The following KCTD8 variants were observed in gnomAD, a reference collection of about 807,000 sequenced individuals.
KCTD8 encodes the protein BTB/POZ domain-containing protein KCTD8.
A neutral mutation model predicts 31.5 loss-of-function variants in KCTD8; 27 were observed. The observed-to-expected ratio is 0.86, with a 90% CI of 0.63 to 1.18. KCTD8 has a LOEUF of 1.18. Ranked by LOEUF, KCTD8 falls within the 50% of genes most tolerant of loss-of-function variation. KCTD8 has a pLI of 0.00. For missense variants in KCTD8, 658 were observed against 647.7 expected (o/e 1.02, Z -0.17); for synonymous variants, 290 against 280.0 (o/e 1.04, Z -0.36).
intron 1 of KCTD8, among the ~76,000 whole-genome samples, chr4:44,292,576 T>C (rs952013729): frequency 3.3e-5 from 5 of 152,124 alleles, no homozygotes; most frequent in African/African-American, 1.2e-4. Context: ...AGCATCACAC[T>C]ATGTACCCAT....
At chr4:44,277,993 G>C (rs141783275) in intron 1 of KCTD8, among the ~76,000 whole-genome samples, 1 of 152,042 alleles carries the variant, frequency 6.6e-6, no homozygotes, top group Non-Finnish European at 1.5e-5. Flanking sequence ...TTCTCTTGTT[G>C]CCTTGCCTTC....
intron 1 of KCTD8, among the ~76,000 whole-genome samples, chr4:44,429,635 T>G (rs747430739): frequency 5.9e-5 from 9 of 151,862 alleles, no homozygotes; most frequent in Non-Finnish European, 1.3e-4. Context: ...AAGGAATAAC[T>G]TTGTGGCCAT....
chr4:44,375,832 A>T (rs979319900), intron 1 of KCTD8, among the ~76,000 whole-genome samples: 38 of 152,156 alleles, frequency 2.5e-4, no homozygotes, highest in African/African-American at 8.4e-4. Context: ...CTTTACTTTA[A>T]GGGATTATAC....
chr4:44,200,381 T>G (rs930512169), intron 1 of KCTD8, among the ~76,000 whole-genome samples: 1 of 150,832 alleles, frequency 6.6e-6, no homozygotes, highest in Non-Finnish European at 1.5e-5. Flanking sequence ...CCAATATTCC[T>G]GATAAACACT....
chr4:44,301,074 C>T (rs1381085131), intron 1 of KCTD8, among the ~76,000 whole-genome samples: 59 of 151,940 alleles, frequency 3.9e-4, no homozygotes, highest in East Asian at 3.9e-4. Context: ...GCATAGTATT[C>T]CATGGTGTAT....
intron 1 of KCTD8, among the ~76,000 whole-genome samples, chr4:44,429,753 A>G (rs1275263578): frequency 2.0e-5 from 3 of 151,768 alleles, no homozygotes; most frequent in African/African-American, 4.8e-5. Flanking sequence ...AGGAATAATC[A>G]TTAATATAAT....
chr4:44,350,391 A>G (rs576242365), intron 1 of KCTD8, among the ~76,000 whole-genome samples: 2 of 152,318 alleles, frequency 1.3e-5, no homozygotes, highest in South Asian at 4.1e-4. Context: ...AAGAATATCC[A>G]TGAACTGTCA....
chr4:44,314,170 T>C (rs570167439), intron 1 of KCTD8, among the ~76,000 whole-genome samples: 1 of 152,302 alleles, frequency 6.6e-6, no homozygotes, highest in African/African-American at 2.4e-5. Flanking sequence ...GTTTGGTAAC[T>C]GGTGGGATGG....
At chr4:44,283,760 A>C (rs565217172) in intron 1 of KCTD8, among the ~76,000 whole-genome samples, 6 of 152,300 alleles carry the variant, frequency 3.9e-5, no homozygotes, top group Non-Finnish European at 8.8e-5. Context: ...CCTTAAGCTG[A>C]TAAGCAAATT....
intron 1 of KCTD8, among the ~76,000 whole-genome samples, chr4:44,426,651 T>C (rs1189328450): frequency 6.6e-6 from 1 of 151,660 alleles, no homozygotes; most frequent in Non-Finnish European, 1.5e-5. Context: ...CAAATTGGTA[T>C]AAAAGGAAAT....
At chr4:44,380,516 G>A (rs1045060470) in intron 1 of KCTD8, among the ~76,000 whole-genome samples, 3 of 151,236 alleles carry the variant, frequency 2.0e-5, no homozygotes, top group Non-Finnish European at 4.4e-5. Context: ...AATCTGAGAT[G>A]TGATCAAATA....
intron 1 of KCTD8, among the ~76,000 whole-genome samples, chr4:44,206,030 C>T (rs1274184379): frequency 6.6e-6 from 1 of 151,984 alleles, no homozygotes; most frequent in Non-Finnish European, 1.5e-5. Context: ...TAATGAGGGT[C>T]CCTCTAGGGA....
chr4:44,205,558 G>C (rs899704743), intron 1 of KCTD8, among the ~76,000 whole-genome samples: 1 of 152,114 alleles, frequency 6.6e-6, no homozygotes, highest in Admixed American at 6.5e-5. Context: ...TTTTTTTGCT[G>C]TTTAATACAA....
At chr4:44,220,603 G>C (rs1205706265) in intron 1 of KCTD8, among the ~76,000 whole-genome samples, 1 of 152,154 alleles carries the variant, frequency 6.6e-6, no homozygotes, top group East Asian at 1.9e-4. Flanking sequence ...CCTCCAAAAA[G>C]AGATGTATCT....
At chr4:44,191,087 G>T (rs1713752064) in intron 1 of KCTD8, among the ~76,000 whole-genome samples, 1 of 152,120 alleles carries the variant, frequency 6.6e-6, no homozygotes, top group African/African-American at 2.4e-5. Flanking sequence ...AAGATTTCAT[G>T]GACATATATC....
intron 1 of KCTD8, among the ~76,000 whole-genome samples, chr4:44,317,439 C>A (rs1223062376): frequency 7.1e-6 from 1 of 140,226 alleles, no homozygotes; most frequent in Admixed American, 6.8e-5. Context: ...CGGGGTTTCA[C>A]CTTGTTAGCC....
At chr4:44,266,380 G>C (rs1297044985) in intron 1 of KCTD8, among the ~76,000 whole-genome samples, 1 of 152,134 alleles carries the variant, frequency 6.6e-6, no homozygotes, top group Non-Finnish European at 1.5e-5. Context: ...CCTTACAAGA[G>C]CTCCTGAAGG....
At chr4:44,372,393 A>T (rs140601077) in intron 1 of KCTD8, among the ~76,000 whole-genome samples, 1 of 152,214 alleles carries the variant, frequency 6.6e-6, no homozygotes, top group Admixed American at 6.5e-5. Context: ...GTAATGCTAA[A>T]GCTACACTGA....
rs115901093 is a variant in KCTD8, at chr4:44,230,315, C to T, written c.962-55065G>A. On this transcript the variant is annotated intron_variant, in intron 1 of 1. Transcript: ENST00000360029. The stretch of plus-strand genomic sequence containing the variant: ...AGATGAAGGCCATTTGTTCTGCCCA[C>T]GACAACTTTACTATATAGCTAAAGA... Among the ~76,000 whole-genome samples, 977 of 152,204 alleles carry T rather than the reference C, an allele frequency of 6.4e-3. 4 individuals carry two copies. The highest frequency in any genetic ancestry group is 0.011 in the Non-Finnish European group (719 of 68,004).
Sources: allele counts gnomAD v4.1 joint callset (sites outside exome capture counted in the v4.1 genomes callset), GRCh38; gene constraint gnomAD v4.1.1; transcripts MANE v1.5; gene names NCBI Gene and HGNC (gene_info 2026-07-23, HGNC 2026-07-21).